Variants in FKBP6 observed in about 807,000 individuals in gnomAD.
The protein encoded by FKBP6 is FKBP prolyl isomerase family member 6 (inactive).
A neutral mutation model predicts 41.7 loss-of-function variants in FKBP6; 29 were observed. The ratio of observed to expected loss-of-function variants is 0.70; its 90% CI spans 0.52 to 0.95. FKBP6 has a LOEUF of 0.95. Ranked by LOEUF, FKBP6 falls within the 40% of genes least tolerant of loss-of-function variation. FKBP6 has a pLI of 0.00. For missense variants in FKBP6, 338 were observed against 408.7 expected (o/e 0.83, Z 1.49); for synonymous variants, 130 against 165.1 (o/e 0.79, Z 1.63).
rs3950375 is a variant in FKBP6, at chr7:73,330,140, A to C, written c.266-10A>C. ...CAAGCTTCACCCACCTTCTTTGTCC[A>C]TTCTTACAGATATTACACTGTGGGG... On this transcript the variant is annotated splice_polypyrimidine_tract_variant and intron_variant, in intron 3 of 8. Transcript: ENST00000252037. 10 of 1,609,972 alleles carry C rather than the reference A, an allele frequency of 6.2e-6. No individual in the cohort carries two copies. In the East Asian group the frequency reaches 1.6e-4, roughly 25 times the overall value.
At chr7:73,339,464 G>T (rs145884208) in intron 5 of FKBP6, among the ~76,000 whole-genome samples, 1 of 152,108 alleles carries the variant, frequency 6.6e-6, no homozygotes, top group Non-Finnish European at 1.5e-5. Flanking sequence ...CTACACTGGC[G>T]TAATTACTGT....
At chr7:73,356,037 G>C (rs187046932) in intron 8 of FKBP6, among the ~76,000 whole-genome samples, 4,239 of 126,556 alleles carry the variant, frequency 0.033, 216 homozygotes, top group African/African-American at 0.12. Context: ...CTGCACTCCA[G>C]CCTGGGCGAC....
At chr7:73,354,140 A>G (rs919494266) in intron 8 of FKBP6, among the ~76,000 whole-genome samples, 1 of 151,772 alleles carries the variant, frequency 6.6e-6, no homozygotes, top group Admixed American at 6.6e-5. Context: ...GGCCTGGCCC[A>G]CCCCCAAAAC....
intron 5 of FKBP6, among the ~76,000 whole-genome samples, chr7:73,339,683 G>A (rs1396305112): frequency 6.8e-6 from 1 of 147,636 alleles, no homozygotes; most frequent in Non-Finnish European, 1.5e-5. Context: ...GTGTGGTCTC[G>A]GTTCACCACA....
At chr7:73,329,245 C>T (rs1374307894) in intron 2 of FKBP6, 115 bp from the exon 3 acceptor site, 5 of 793,316 alleles carry the variant, frequency 6.3e-6, no homozygotes, top group South Asian at 1.3e-5. Flanking sequence ...CTCGGGGTGT[C>T]GGGCAGCTTA....
Position 73,330,187 on chromosome 7 carries a change from C to A in FKBP6, c.303C>A (p.Ser101Arg). ...TLWGMELGLL[S>R]MRRGELARFL... Reference sequence around the variant, plus strand: ...GGGGCATGGAGCTGGGCCTTCTGAGCATGCGGAGAGGAGAGCTGGCCAGGT... The same window carrying A: ...GGGGCATGGAGCTGGGCCTTCTGAGAATGCGGAGAGGAGAGCTGGCCAGGT... Residue 101 changes from serine (S) to arginine (R), a missense_variant, in exon 4 of 9, where the codon AGC becomes AGA. By Grantham distance (110) the Ser-to-Arg change is moderately radical. Around this residue, in one of 2 missense-constraint regions of FKBP6, gnomAD observed 99 missense variants for 158.6 expected, o/e 0.62. Transcript: ENST00000252037. The A allele has an allele frequency of 2.5e-6, 4 of 1,613,944 alleles. No individual in the cohort carries two copies. The highest frequency in any genetic ancestry group is 3.4e-6 in the Non-Finnish European group (4 of 1,179,842).
chr7:73,337,946 G>A (rs1488896398), intron 5 of FKBP6, among the ~76,000 whole-genome samples: 1 of 152,202 alleles, frequency 6.6e-6, no homozygotes, highest in African/African-American at 2.4e-5. Context: ...TGTCAAATAT[G>A]TGTCATTTTG....
At chr7:73,335,344 A>T (rs553767061) in intron 5 of FKBP6, among the ~76,000 whole-genome samples, 8 of 152,316 alleles carry the variant, frequency 5.3e-5, no homozygotes, top group African/African-American at 1.9e-4. Flanking sequence ...TGCACACATT[A>T]GAGTATGTAG....
Position 73,328,817 on chromosome 7 carries a change from T to C in FKBP6, c.175+125T>C. ...GCTTTGTTTGAAGTGGATTTTTGTT[T>C]TTTGTTTTTGAAACGGGGTCTTGCT... On this transcript the variant is annotated intron_variant, in intron 2 of 8. Transcript: ENST00000252037. The C allele has an allele frequency of 3.8e-6, 6 of 1,572,794 alleles. No individual in the cohort carries two copies. In the South Asian group the frequency reaches 4.5e-5, roughly 12 times the overall value.
intron 5 of FKBP6, among the ~76,000 whole-genome samples, chr7:73,336,229 A>G (rs1407113631): frequency 6.6e-6 from 1 of 152,222 alleles, no homozygotes; most frequent in Non-Finnish European, 1.5e-5. Context: ...TAGTGGCCTT[A>G]TAAAAGAGGT....
At chr7:73,330,773 C>T (rs1436117068) in intron 4 of FKBP6, among the ~76,000 whole-genome samples, 13 of 152,138 alleles carry the variant, frequency 8.5e-5, no homozygotes, top group African/African-American at 3.1e-4. Flanking sequence ...GAGGGGTTAC[C>T]CATGACATCG....
At chr7:73,350,580 G>A (rs545285470) in intron 8 of FKBP6, among the ~76,000 whole-genome samples, 3 of 152,254 alleles carry the variant, frequency 2.0e-5, no homozygotes, top group Admixed American at 6.5e-5. Flanking sequence ...AAGCCTTTGG[G>A]CTGTAGAGTA....
rs181776693 is a variant in FKBP6, at chr7:73,347,634, A to C, written c.*2+4735A>C. Among the ~76,000 whole-genome samples the C allele has an allele frequency of 1.1e-4, 17 of 152,312 alleles. 1 individual carries two copies. The East Asian group carries it at 3.3e-3, about 29-fold the overall frequency. Reference sequence around the variant, plus strand: ...TTCTTGGCTTCATACAGCTAAAGACAGTATTTCTTGTGCTCCACTTTGTTT... The same window carrying C: ...TTCTTGGCTTCATACAGCTAAAGACCGTATTTCTTGTGCTCCACTTTGTTT... On this transcript the variant is annotated intron_variant, in intron 8 of 8. Transcript: ENST00000252037.
At chr7:73,349,712 CAAAAAAAA>C (rs1213747722) in intron 8 of FKBP6, among the ~76,000 whole-genome samples, 2 of 27,858 alleles carry the variant, frequency 7.2e-5, no homozygotes, top group African/African-American at 1.3e-4. Context: ...GACTCCGTCT[CAAAAAAAA>C]AAAAAAAAAA....
In FKBP6 at chr7:73,341,282, C is replaced by T. The variant is rs781952432; in HGVS notation, c.793C>T (p.Leu265Phe). Reference sequence around the variant, plus strand: ...TCTCTCCTTGGGACAGGCTTGTCTTCTCCTGACTGAGTATCAAAAGGCCCG... The same window carrying T: ...TCTCTCCTTGGGACAGGCTTGTCTTTTCCTGACTGAGTATCAAAAGGCCCG... ...ALFRCGQACL[L>F]LTEYQKARDF... is the part of the protein sequence containing the mutation. Residue 265 changes from leucine (L) to phenylalanine (F), a missense_variant, in exon 7 of 9, where the codon CTC (leucine) becomes TTC (phenylalanine). Leu to Phe is a conservative substitution (Grantham distance 22). Coordinates refer to ENST00000252037, the MANE Select transcript of FKBP6 (RefSeq NM_003602.5). 4.3e-6 allele frequency: 7 copies of T among 1,609,328 alleles called. No individual in the cohort carries two copies. The highest frequency in any genetic ancestry group is 6.0e-6 in the Non-Finnish European group (7 of 1,175,616).
At chr7:73,344,317 T>C (rs1805277992) in intron 8 of FKBP6, among the ~76,000 whole-genome samples, 1 of 152,210 alleles carries the variant, frequency 6.6e-6, no homozygotes, top group South Asian at 2.1e-4. Context: ...CTTCCCAGCC[T>C]TTTCAGTCTG....
At chr7:73,349,622 G>A (rs1233399821) in intron 8 of FKBP6, among the ~76,000 whole-genome samples, 2 of 148,532 alleles carry the variant, frequency 1.3e-5, no homozygotes, top group Non-Finnish European at 3.0e-5. Context: ...GCTGAGGCAG[G>A]AGAATCTCTT....
chr7:73,331,873 TTGTTTTTGAGA>T, intron 5 of FKBP6, 97 bp downstream of exon 5: 1 of 1,374,620 alleles, frequency 7.3e-7, no homozygotes, highest in Non-Finnish European at 1.0e-6. Context: ...TTGTTTTGTT[TTGTTTTTGAGA>T]CAAGAGTGTC....
intron 8 of FKBP6, 49 bp downstream of exon 8, chr7:73,342,948 G>A: frequency 8.0e-7 from 1 of 1,249,526 alleles, no homozygotes; most frequent in Non-Finnish European, 1.2e-6. Flanking sequence ...GGAGAAGCGT[G>A]CTGCTCTCCT....
Sources: allele counts gnomAD v4.1 joint callset (sites outside exome capture counted in the v4.1 genomes callset), GRCh38; gene constraint gnomAD v4.1.1; regional missense constraint gnomAD v4.1.1; transcripts MANE v1.5; gene names NCBI Gene and HGNC (gene_info 2026-07-23, HGNC 2026-07-21).